The following TMC7 variants were observed in gnomAD, a reference collection of about 807,000 sequenced individuals.
The protein encoded by TMC7 is transmembrane channel like 7, also known as transmembrane channel-like protein 7.
In TMC7, 54 loss-of-function variants were observed where a neutral mutation model predicts 82.9. The ratio of observed to expected loss-of-function variants is 0.65; its 90% CI spans 0.52 to 0.82. TMC7 has a LOEUF of 0.82. Among genes scored for constraint, TMC7 ranks in the 40% least tolerant of loss-of-function variants. TMC7 has a pLI of 0.00. For synonymous variants in TMC7, 350 were observed against 337.9 expected (o/e 1.04, Z -0.39); for missense variants, 820 against 901.2 (o/e 0.91, Z 1.15).
At chr16:19,041,401 C>T (rs8062439) in intron 9 of TMC7, among the ~76,000 whole-genome samples, 139,931 of 151,732 alleles carry the variant, frequency 0.92, 64,940 homozygotes, top group Non-Finnish European at 0.97. Flanking sequence ...AGACTTGCTC[C>T]GTTGCTCAGG....
intron 2 of TMC7, among the ~76,000 whole-genome samples, chr16:19,013,066 C>T (rs1375387871): frequency 6.6e-6 from 1 of 151,444 alleles, no homozygotes; most frequent in Non-Finnish European, 1.5e-5. Flanking sequence ...ATCCGCCTGC[C>T]TTGGCCTCCC....
intron 14 of TMC7, among the ~76,000 whole-genome samples, chr16:19,056,968 ATAAAT>A (rs1190276981): frequency 1.3e-5 from 2 of 150,846 alleles, no homozygotes; most frequent in African/African-American, 2.4e-5. Context: ...CTACAAAAAA[ATAAAT>A]AAATAAGTAA....
intron 1 of TMC7, among the ~76,000 whole-genome samples, chr16:18,989,816 G>A (rs2038916860): frequency 1.3e-5 from 2 of 151,076 alleles, no homozygotes; most frequent in South Asian, 4.3e-4. Flanking sequence ...TCGGGGGGAG[G>A]CGACTCCTTT....
intron 1 of TMC7, among the ~76,000 whole-genome samples, chr16:18,993,871 G>C (rs1486712545): frequency 6.6e-6 from 1 of 152,162 alleles, no homozygotes; most frequent in African/African-American, 2.4e-5. Flanking sequence ...AGTGGAGGGG[G>C]GCAGAGTGGT....
chr16:19,007,424 G>T (rs540742430), intron 1 of TMC7, among the ~76,000 whole-genome samples: 1 of 152,292 alleles, frequency 6.6e-6, no homozygotes, highest in Non-Finnish European at 1.5e-5. Context: ...GTGGCTCATT[G>T]GAGGCCACCA....
At chr16:19,041,734 A>T (rs1961024644) in intron 9 of TMC7, among the ~76,000 whole-genome samples, 1 of 152,046 alleles carries the variant, frequency 6.6e-6, no homozygotes, top group African/African-American at 2.4e-5. Context: ...CACCTAATAA[A>T]ATTGAGGCGG....
At chr16:18,987,342 A>G (rs762690732) in intron 1 of TMC7, among the ~76,000 whole-genome samples, 1 of 151,498 alleles carries the variant, frequency 6.6e-6, no homozygotes, top group Non-Finnish European at 1.5e-5. Flanking sequence ...ATGGAGTCTC[A>G]CTCTGTTGCC....
Position 19,047,078 on chromosome 16 carries a change from C to G in TMC7, c.1569C>G (p.Tyr523Ter), listed in dbSNP as rs1364978525. 5.0e-6 allele frequency: 8 copies of G among 1,610,682 alleles called. No homozygotes were observed. Among genetic ancestry groups the G allele is most frequent in the Non-Finnish European group, 6.8e-6 (8 of 1,178,740 alleles). Reference sequence around the variant, plus strand: ...CTGTTTCCAGGCTCCTGGTGACCTACTGTTCCTCTTGCAAGCTGATTCAGT... The same window carrying G: ...CTGTTTCCAGGCTCCTGGTGACCTAGTGTTCCTCTTGCAAGCTGATTCAGT... ...VDFPRKLLVT[Y>*]CSSCKLIQCW... is the part of the protein sequence containing the mutation. Residue 523 changes from tyrosine to a stop codon, truncating the protein, a stop_gained, in exon 12 of 16, where the codon TAC becomes TAG. Coordinates refer to ENST00000304381, the MANE Select transcript of TMC7 (RefSeq NM_024847.4). LOFTEE classifies it high-confidence loss of function.
At position 19,035,679 on chromosome 16, in the gene TMC7, G is replaced by A. The variant is rs149438219; in HGVS notation, c.861G>A (p.Ser287=). The change falls in exon 7 of 16, where the codon TCG becomes TCA. Residue 287 remains serine, a synonymous_variant. Coordinates refer to ENST00000304381, the MANE Select transcript of TMC7 (RefSeq NM_024847.4). ...GATGATTGTGTTTTGGGGTCAGGTC[G>A]GTGGAAGGATTCAAAATCAACCTGA... is the stretch of plus-strand genomic sequence containing the variant. ...ALSLLWIVKR[S]VEGFKINLIR... 2.2e-3 allele frequency: 3,600 copies of A among 1,614,104 alleles called. 6 individuals carry two copies. The highest frequency in any genetic ancestry group is 2.7e-3 in the Non-Finnish European group (3,132 of 1,180,004).
At chr16:19,029,175 T>C (rs1331926603) in intron 5 of TMC7, among the ~76,000 whole-genome samples, 4 of 151,454 alleles carry the variant, frequency 2.6e-5, no homozygotes, top group Non-Finnish European at 4.4e-5. Flanking sequence ...CCGGCTAATT[T>C]TTTGTATTTT....
Position 18,992,611 on chromosome 16 carries a change from T to G in TMC7, c.67+8481T>G, listed in dbSNP as rs1489511974. ...AAGCTCTTTAGTTTAATTAGATCCCTTTTGTCAATTTTGGCTTCTGTTGCC... is the reference window on the plus strand; with the variant it reads ...AAGCTCTTTAGTTTAATTAGATCCCGTTTGTCAATTTTGGCTTCTGTTGCC... On this transcript the variant is annotated intron_variant, in intron 1 of 15. Coordinates refer to ENST00000304381, the MANE Select transcript of TMC7 (RefSeq NM_024847.4). Among the ~76,000 whole-genome samples, 4 of 152,196 alleles carry G rather than the reference T, an allele frequency of 2.6e-5. No individual in the cohort carries two copies. In the East Asian group the frequency reaches 7.7e-4, roughly 29 times the overall value.
chr16:19,013,586 C>T (rs1215129639), intron 2 of TMC7, among the ~76,000 whole-genome samples: 1 of 151,934 alleles, frequency 6.6e-6, no homozygotes, highest in Non-Finnish European at 1.5e-5. Context: ...GGTGCCATCT[C>T]GCCTCACTGC....
At chr16:19,027,337 G>A (rs1960283962) in intron 5 of TMC7, among the ~76,000 whole-genome samples, 2 of 152,068 alleles carry the variant, frequency 1.3e-5, no homozygotes, top group African/African-American at 4.8e-5. Context: ...AAAGTGCTGG[G>A]ATTACAGGTG....
At chr16:19,037,547 T>C (rs1212673587) in intron 7 of TMC7, among the ~76,000 whole-genome samples, 2 of 150,424 alleles carry the variant, frequency 1.3e-5, no homozygotes, top group South Asian at 4.2e-4. Context: ...CATACATCAC[T>C]GCAGACTCGA....
chr16:19,035,077 T>C (rs1960685004), intron 6 of TMC7, among the ~76,000 whole-genome samples: 1 of 152,140 alleles, frequency 6.6e-6, no homozygotes, highest in Admixed American at 6.6e-5. Flanking sequence ...ACATACACCA[T>C]GGAATACTAC....
chr16:19,045,302 C>A, intron 10 of TMC7, 39 bp from the exon 11 acceptor site: 1 of 1,540,308 alleles, frequency 6.5e-7, no homozygotes, highest in Non-Finnish European at 9.0e-7. Context: ...TCTGCCTCAG[C>A]TAGGGTCTTT....
rs1267854353 is a variant in TMC7, at chr16:18,983,955, G to C, written c.-109G>C. 3 of 1,212,718 alleles carry C rather than the reference G, an allele frequency of 2.5e-6. No homozygotes were observed. Among genetic ancestry groups the C allele is most frequent in the South Asian group, 4.1e-5 (2 of 48,470 alleles). 75.1% of individuals were successfully genotyped at this position (1,212,718 alleles called of 1,614,324 possible). ...CCCCACTCCGGCTTCTGTGATGTCA[G>C]CGCCGGAACCTGGAATCCCGGCTCC... On this transcript the variant is annotated 5_prime_UTR_variant, in exon 1 of 16. Transcript: ENST00000304381.
intron 5 of TMC7, among the ~76,000 whole-genome samples, chr16:19,025,615 G>C (rs115920892): frequency 6.6e-6 from 1 of 152,002 alleles, no homozygotes; most frequent in African/African-American, 2.4e-5. Context: ...GGGAGAGTTT[G>C]TCTCAAAACA....
chr16:19,018,986 G>C, intron 3 of TMC7, among the ~76,000 whole-genome samples: 1 of 152,162 alleles, frequency 6.6e-6, no homozygotes, highest in East Asian at 1.9e-4. Flanking sequence ...ACGTAGCTGA[G>C]ACTACAGGCA....
Sources: gnomAD v4.1 joint callset for allele counts (sites outside exome capture counted in the v4.1 genomes callset) on GRCh38, gnomAD v4.1.1 for gene constraint, MANE v1.5 for transcripts, NCBI Gene and HGNC (gene_info 2026-07-23, HGNC 2026-07-21) for gene names.